Variants in NRXN3 observed in about 807,000 individuals in gnomAD.
The protein encoded by NRXN3 is neurexin III.
NRXN3 carries 32 observed loss-of-function variants against 137.6 expected under a neutral mutation model. The observed-to-expected ratio is 0.23, with a 90% CI of 0.18 to 0.31. The LOEUF (loss-of-function observed/expected upper bound fraction) is 0.31, where lower values mean the gene tolerates loss of function less well. Among genes scored for constraint, NRXN3 ranks in the 10% least tolerant of loss-of-function variants. The probability of loss-of-function intolerance (pLI) is 1.00; values close to 1 mark genes in which losing one functional copy is unlikely to be tolerated. For synonymous variants in NRXN3, 798 were observed against 784.5 expected, an observed-to-expected ratio of 1.02 and a Z score of -0.29; for missense variants, 1,574 against 2,062.5, an observed-to-expected ratio of 0.76 and a Z score of 4.59.
intron 4 of NRXN3, among the ~76,000 whole-genome samples, chr14:78,486,600 G>C (rs1410000643): frequency 6.6e-6 from 1 of 152,190 alleles, no homozygotes; most frequent in Non-Finnish European, 1.5e-5. Flanking sequence ...ATGCCACTGA[G>C]AGCCTGGGCT....
intron 4 of NRXN3, among the ~76,000 whole-genome samples, chr14:78,616,080 T>G (rs1216857453): frequency 1.3e-5 from 2 of 152,208 alleles, no homozygotes; most frequent in Non-Finnish European, 2.9e-5. Flanking sequence ...AGCCTACCAA[T>G]AGTCTCCCTG....
At chr14:79,419,864 G>C (rs1281417027) in intron 15 of NRXN3, among the ~76,000 whole-genome samples, 1 of 152,096 alleles carries the variant, frequency 6.6e-6, no homozygotes, top group Non-Finnish European at 1.5e-5. Flanking sequence ...TTATTCACAG[G>C]AAAGAGTGGT....
chr14:79,770,122 A>T (rs2099071983), intron 19 of NRXN3, among the ~76,000 whole-genome samples: 1 of 151,766 alleles, frequency 6.6e-6, no homozygotes, highest in African/African-American at 2.4e-5. Flanking sequence ...AGATTCATAA[A>T]GCAAGTCCTG....
At chr14:78,437,980 G>GAAGATGGACTTGAT (rs2094128239) in intron 4 of NRXN3, among the ~76,000 whole-genome samples, 1 of 152,160 alleles carries the variant, frequency 6.6e-6, no homozygotes, top group Non-Finnish European at 1.5e-5. Flanking sequence ...GGCTGGTGTT[G>GAAGATGGACTTGAT]AAGATGGACT....
At chr14:78,425,096 G>A (rs2093610041) in intron 4 of NRXN3, among the ~76,000 whole-genome samples, 1 of 152,178 alleles carries the variant, frequency 6.6e-6, no homozygotes, top group Non-Finnish European at 1.5e-5. Flanking sequence ...ATAATTTGGT[G>A]GGACTGGAAG....
intron 15 of NRXN3, among the ~76,000 whole-genome samples, chr14:79,160,825 A>G (rs535805828): frequency 1.3e-5 from 2 of 152,100 alleles, no homozygotes; most frequent in Admixed American, 6.6e-5. Flanking sequence ...GAGGGAAGGC[A>G]GAAGCAAGTA....
At chr14:78,935,306 C>G (rs1033442425) in intron 10 of NRXN3, among the ~76,000 whole-genome samples, 38 of 152,268 alleles carry the variant, frequency 2.5e-4, no homozygotes, top group African/African-American at 9.1e-4. Context: ...ACAGCCCTAA[C>G]CTGCTGCATC....
In NRXN3 at chr14:79,501,833, TA is replaced by T. The variant is rs568232399; in HGVS notation, c.3444+34432del. ...TAAAATGCTGGGAAGGCTACTGTGA[TA>T]GGGGTGGATGTCGGAGAGGAAGGAC... On this transcript the variant is annotated intron_variant, in intron 16 of 20. Coordinates refer to ENST00000335750, the MANE Select transcript of NRXN3 (RefSeq NM_001330195.2). 3.4e-4 allele frequency among the ~76,000 whole-genome samples: 51 copies of T among 152,014 alleles called. No homozygotes were observed. The South Asian group carries it at 4.8e-3, about 14-fold the overall frequency.
intron 1 of NRXN3, among the ~76,000 whole-genome samples, chr14:78,237,354 T>C (rs115387677): frequency 0.013 from 1,984 of 152,334 alleles, 48 homozygotes; most frequent in African/African-American, 0.045. Context: ...ACAGGATTCA[T>C]TGGGCTTTAG....
At chr14:79,199,608 G>T (rs975201454) in intron 15 of NRXN3, among the ~76,000 whole-genome samples, 1 of 152,172 alleles carries the variant, frequency 6.6e-6, no homozygotes, top group Non-Finnish European at 1.5e-5. Flanking sequence ...ACCATTTAAG[G>T]TGATATGTGT....
At chr14:79,152,770 C>T (rs1165657091) in intron 15 of NRXN3, among the ~76,000 whole-genome samples, 1 of 151,964 alleles carries the variant, frequency 6.6e-6, no homozygotes, top group Non-Finnish European at 1.5e-5. Flanking sequence ...AGGATTATTA[C>T]AATTCAAGGT....
intron 4 of NRXN3, among the ~76,000 whole-genome samples, chr14:78,501,319 C>T (rs973035284): frequency 1.9e-4 from 29 of 152,114 alleles, no homozygotes; most frequent in Admixed American, 1.4e-3. Flanking sequence ...AGCTTTCTCC[C>T]GGTTGTTGGC....
At chr14:78,977,809 A>G (rs1262653894) in intron 14 of NRXN3, among the ~76,000 whole-genome samples, 1 of 152,200 alleles carries the variant, frequency 6.6e-6, no homozygotes, top group Non-Finnish European at 1.5e-5. Flanking sequence ...GAATTTTGTA[A>G]GCCAGTTTAC....
intron 6 of NRXN3, among the ~76,000 whole-genome samples, chr14:78,697,250 T>C (rs754573459): frequency 6.6e-6 from 1 of 152,034 alleles, no homozygotes; most frequent in Non-Finnish European, 1.5e-5. Context: ...AGACATCCTA[T>C]GTCCCTTTTC....
At chr14:79,601,326 C>A (rs1194373490) in intron 16 of NRXN3, among the ~76,000 whole-genome samples, 1 of 152,098 alleles carries the variant, frequency 6.6e-6, no homozygotes. Flanking sequence ...CAGGCAGGAG[C>A]CACCGTGCCC....
Position 79,497,507 on chromosome 14 carries a change from G to C in NRXN3, c.3444+30105G>C, listed in dbSNP as rs540717130. On this transcript the variant is annotated intron_variant, in intron 16 of 20. Coordinates refer to ENST00000335750, the MANE Select transcript of NRXN3 (RefSeq NM_001330195.2). ...TTCTTCCTTATCCCACCTCCCTGCA[G>C]TTCCTTCTCCCTTACCCTGCCTTAC... is the stretch of plus-strand genomic sequence containing the variant. 1.1e-4 allele frequency among the ~76,000 whole-genome samples: 16 copies of C among 152,098 alleles called. No homozygotes were observed. The Middle Eastern group carries it at 0.02, about 194-fold the overall frequency.
intron 19 of NRXN3, among the ~76,000 whole-genome samples, chr14:79,731,858 G>A (rs2098924798): frequency 6.7e-6 from 1 of 148,342 alleles, no homozygotes; most frequent in Non-Finnish European, 1.5e-5. Flanking sequence ...GTTGCTTTTA[G>A]CCACCTCAGT....
chr14:79,437,351 GT>G (rs2095861014), intron 15 of NRXN3, among the ~76,000 whole-genome samples: 1 of 150,760 alleles, frequency 6.6e-6, no homozygotes, highest in Non-Finnish European at 1.5e-5. Flanking sequence ...AGCTCCCACA[GT>G]TTTTTCCCCG....
intron 15 of NRXN3, among the ~76,000 whole-genome samples, chr14:79,395,926 A>G (rs2153480616): frequency 6.6e-6 from 1 of 152,332 alleles, no homozygotes; most frequent in East Asian, 1.9e-4. Flanking sequence ...AACATTATTA[A>G]GAAATGTGAT....
Sources: allele counts gnomAD v4.1 joint callset (sites outside exome capture counted in the v4.1 genomes callset), GRCh38; gene constraint gnomAD v4.1.1; transcripts MANE v1.5; gene names NCBI Gene and HGNC (gene_info 2026-07-23, HGNC 2026-07-21).